CD109: variants seen among roughly 807,000 people sequenced by gnomAD.
CD109 encodes CD109 molecule, also known as CD109 antigen.
Under a neutral mutation model 165.8 loss-of-function variants are expected in CD109, and 149 were observed. The observed-to-expected ratio is 0.90, with a 90% confidence interval of 0.79 to 1.03. The LOEUF (loss-of-function observed/expected upper bound fraction) is 1.03, where lower values mean the gene tolerates loss of function less well. Among genes scored for constraint, CD109 ranks in the 50% least tolerant of loss-of-function variants. The pLI is 0.00. For missense variants in CD109, 1,712 were observed against 1,677.8 expected (o/e 1.02, Z -0.36); for synonymous variants, 585 against 592.1 (o/e 0.99, Z 0.18).
chr6:73,734,106 G>C (rs1772465205), intron 4 of CD109, among the ~76,000 whole-genome samples: 1 of 152,196 alleles, frequency 6.6e-6, no homozygotes, highest in South Asian at 2.1e-4. Flanking sequence ...ACCATGCTTG[G>C]CTGGTTCAAA....
At chr6:73,790,175 A>G (rs1774870291) in intron 22 of CD109, among the ~76,000 whole-genome samples, 2 of 140,002 alleles carry the variant, frequency 1.4e-5, no homozygotes, top group Non-Finnish European at 3.0e-5. Flanking sequence ...GTTTACTGCA[A>G]CCACCGCCTA....
intron 4 of CD109, 36 bp from the exon 5 acceptor site, chr6:73,736,347 G>GC: frequency 1.2e-6 from 2 of 1,608,246 alleles, no homozygotes; most frequent in Non-Finnish European, 1.7e-6. Context: ...CACATGGGCA[G>GC]CCTCTACATA....
upstream of CD109, chr6:73,695,688 G>A (rs1317585165): frequency 1.3e-5 from 2 of 153,432 alleles, no homozygotes; most frequent in Non-Finnish European, 2.9e-5. Flanking sequence ...TTTTGCGCGC[G>A]TGTGCGTGCG....
chr6:73,792,616 G>C lies in CD109; in HGVS notation c.2702-10G>C. ...ATTTACTGAATGAACTGCATGTCTT[G>C]TGCTTCCAGGAGATGTTCTTGGTCC... On this transcript the variant is annotated splice_polypyrimidine_tract_variant and intron_variant, in intron 22 of 32. Coordinates refer to ENST00000287097, the MANE Select transcript of CD109 (RefSeq NM_133493.5). 1.9e-6 allele frequency: 3 copies of C among 1,611,810 alleles called. No individual in the cohort carries two copies. In the South Asian group the frequency reaches 3.3e-5, roughly 18 times the overall value.
chr6:73,776,179 T>A (rs1298303151), intron 15 of CD109, among the ~76,000 whole-genome samples: 1 of 152,176 alleles, frequency 6.6e-6, no homozygotes, highest in Admixed American at 6.5e-5. Flanking sequence ...CTCCAGCATC[T>A]GTTATTTTTT....
intron 2 of CD109, among the ~76,000 whole-genome samples, chr6:73,713,998 A>G (rs1426743534): frequency 2.0e-5 from 3 of 152,168 alleles, no homozygotes; most frequent in Non-Finnish European, 2.9e-5. Context: ...AAGGAAGCAC[A>G]TTGCTTCCTC....
chr6:73,700,961 C>T (rs1771052800), intron 2 of CD109, among the ~76,000 whole-genome samples: 1 of 151,358 alleles, frequency 6.6e-6, no homozygotes, highest in Middle Eastern at 3.2e-3. Context: ...GCCACCATGC[C>T]TGGCTAATTT....
At chr6:73,708,538 G>A (rs1189874796) in intron 2 of CD109, among the ~76,000 whole-genome samples, 2 of 152,114 alleles carry the variant, frequency 1.3e-5, no homozygotes, top group East Asian at 1.9e-4. Context: ...TGGGTCAAAT[G>A]GTATTTCTAG....
intron 31 of CD109, among the ~76,000 whole-genome samples, chr6:73,819,163 T>A (rs1196097177): frequency 6.6e-6 from 1 of 152,252 alleles, no homozygotes. Context: ...TTACACATTT[T>A]AAAATTCTTC....
At chr6:73,713,596 T>C (rs979127932) in intron 2 of CD109, among the ~76,000 whole-genome samples, 5 of 152,092 alleles carry the variant, frequency 3.3e-5, no homozygotes, top group Non-Finnish European at 5.9e-5. Context: ...TTCTTGCATC[T>C]GTGAACAGAT....
chr6:73,795,882 A>G (rs1184043068), intron 23 of CD109, among the ~76,000 whole-genome samples: 1 of 152,178 alleles, frequency 6.6e-6, no homozygotes, highest in African/African-American at 2.4e-5. Flanking sequence ...AGAATAAAAG[A>G]ACCCACGTGG....
intron 2 of CD109, among the ~76,000 whole-genome samples, chr6:73,716,134 A>G (rs1484295840): frequency 6.6e-6 from 1 of 152,218 alleles, no homozygotes. Context: ...GCTGAGTAGT[A>G]CTTAATTGTG....
chr6:73,798,316 T>A (rs1452416825), intron 23 of CD109, among the ~76,000 whole-genome samples: 1 of 152,064 alleles, frequency 6.6e-6, no homozygotes, highest in South Asian at 2.1e-4. Flanking sequence ...GACTTTGCCG[T>A]ATTAGCCAGG....
At chr6:73,753,938 G>C (rs1378858107) in intron 5 of CD109, among the ~76,000 whole-genome samples, 1 of 152,192 alleles carries the variant, frequency 6.6e-6, no homozygotes. Flanking sequence ...AACGTTGAAG[G>C]CATGCTTTAC....
intron 5 of CD109, among the ~76,000 whole-genome samples, chr6:73,748,110 T>G (rs12211905): frequency 0.34 from 51,570 of 152,040 alleles, 11,323 homozygotes; most frequent in Non-Finnish European, 0.48. Flanking sequence ...GCTCAAGTGA[T>G]CTGCCTGCCT....
intron 23 of CD109, among the ~76,000 whole-genome samples, chr6:73,795,346 G>A (rs2150275058): frequency 6.6e-6 from 1 of 151,916 alleles, no homozygotes; most frequent in Admixed American, 6.6e-5. Context: ...CATGTAAGCA[G>A]TGAAAACTCA....
chr6:73,728,988 T>C (rs1053689936), intron 3 of CD109, among the ~76,000 whole-genome samples: 61 of 152,258 alleles, frequency 4.0e-4, no homozygotes, highest in African/African-American at 1.4e-3. Flanking sequence ...AGATATCAGC[T>C]AGGGCTGCAG....
chr6:73,792,750 G>GAAACAA lies in CD109; in HGVS notation c.2827_2832dup (p.Lys943_Gln944dup), dbSNP rs755095133. The GAAACAA allele has an allele frequency of 6.2e-7, 1 of 1,612,348 alleles. No homozygotes were observed. Among genetic ancestry groups the GAAACAA allele is most frequent in the South Asian group, 1.1e-5 (1 of 91,000 alleles). On this transcript the variant is annotated inframe_insertion, in exon 23 of 33. Transcript: ENST00000287097. ...ACATTTTGGATTATCTGACTAAAAA[G>GAAACAA]AAACAACTGACAGATAATTTGAAAG...
chr6:73,807,985 A>C, intron 25 of CD109, 98 bp from the exon 26 acceptor site: 1 of 1,051,212 alleles, frequency 9.5e-7, no homozygotes, highest in Non-Finnish European at 1.4e-6. Flanking sequence ...ATAGACACTG[A>C]ACTTATTTTT....
Sources: allele counts gnomAD v4.1 joint callset (sites outside exome capture counted in the v4.1 genomes callset), GRCh38; gene constraint gnomAD v4.1.1; transcripts MANE v1.5; gene names NCBI Gene and HGNC (gene_info 2026-07-23, HGNC 2026-07-21).